Variants in TRIM39 observed in about 807,000 individuals in gnomAD.
The protein encoded by TRIM39 is E3 ubiquitin-protein ligase TRIM39.
In TRIM39, 5 loss-of-function variants were observed where a neutral mutation model predicts 53.6. The ratio of observed to expected loss-of-function variants is 0.09; its 90% CI spans 0.05 to 0.20. The LOEUF (loss-of-function observed/expected upper bound fraction) is 0.20. TRIM39 is among the 10% of genes least tolerant of loss of function. The pLI, the probability that TRIM39 is intolerant of heterozygous loss-of-function variation, is 1.00. For missense variants in TRIM39, 310 were observed against 621.0 expected (o/e 0.50, Z 5.32); for synonymous variants, 196 against 237.6 (o/e 0.82, Z 1.61).
At chr6:30,340,174 C>A in intron 6 of TRIM39, 1 of 1,165,322 alleles carries the variant, frequency 8.6e-7, no homozygotes, top group Non-Finnish European at 1.3e-6. Context: ...GAATCAGATT[C>A]TACTTGTGCC....
chr6:30,328,271 T>C (rs1440002256), intron 1 of TRIM39, among the ~76,000 whole-genome samples: 1 of 152,230 alleles, frequency 6.6e-6, no homozygotes, highest in African/African-American at 2.4e-5. Flanking sequence ...ACAAATAGAC[T>C]CGTTGCTCTC....
At chr6:30,327,577 GAC>G (rs1384881756) in intron 1 of TRIM39, 3 of 152,306 alleles carry the variant, frequency 2.0e-5, no homozygotes, top group African/African-American at 7.2e-5. Context: ...GTCTCACTAT[GAC>G]TGTAGTTGAG....
At chr6:30,336,526 C>T (rs994892515) in intron 5 of TRIM39, among the ~76,000 whole-genome samples, 1 of 152,200 alleles carries the variant, frequency 6.6e-6, no homozygotes, top group African/African-American at 2.4e-5. Flanking sequence ...GTGGTGGTTG[C>T]TGAAGATTGG....
rs1786758190 is a variant in TRIM39 at position 30,335,617 on chromosome 6, C to T, written c.550-128C>T. The T allele has an allele frequency of 2.3e-6, 3 of 1,281,548 alleles. No individual in the cohort carries two copies. Among genetic ancestry groups the T allele is most frequent in the Non-Finnish European group, 3.2e-6 (3 of 949,026 alleles). 79.4% of individuals were successfully genotyped at this position (1,281,548 alleles called of 1,614,324 possible). A position where few individuals can be genotyped will look rare whatever the true frequency, so the allele number is the denominator to read the frequency against. On this transcript the variant is annotated intron_variant, in intron 4 of 7. Coordinates refer to ENST00000396551, the Ensembl canonical transcript of TRIM39. The surrounding 1 kb of genome is among the most constrained non-coding windows in gnomAD (Gnocchi z 4.7). ...GGATTACAGTCATGTGTCACCACAC[C>T]CAGCCTTTGTTAAACCATTTTCAAT...
At chr6:30,336,094 T>C (rs749286923) in intron 5 of TRIM39, 119 bp downstream of exon 5, 1 of 1,445,818 alleles carries the variant, frequency 6.9e-7, no homozygotes, top group Non-Finnish European at 9.5e-7. Context: ...TCCAGTTCTT[T>C]CTGCCAGGTG....
rs1787642128 is a variant in TRIM39 at position 30,342,343 on chromosome 6, T to C, written c.*84T>C. 2 of 1,441,388 alleles carry C rather than the reference T, an allele frequency of 1.4e-6. 1 individual carries two copies. Among genetic ancestry groups the C allele is most frequent in the Non-Finnish European group, 1.9e-6 (2 of 1,044,212 alleles). The allele number at this position is 1,441,388 out of a possible 1,614,324, so 89.3% of individuals were successfully genotyped here. A position where few individuals can be genotyped will look rare whatever the true frequency, so the allele number is the denominator to read the frequency against. ...CCCGTGTCCTGCTGGAACGTCTTCG[T>C]GTCCACCTGGGTCCAGTCCTGAATC... On this transcript the variant is annotated 3_prime_UTR_variant, in exon 8 of 8. Coordinates refer to ENST00000396551, the Ensembl canonical transcript of TRIM39. This position sits in a 1 kb window ranked among gnomAD's most constrained non-coding sequence, Gnocchi z 4.7.
chr6:30,341,310 A>G (rs1475537208), intron 7 of TRIM39: 3 of 486,288 alleles, frequency 6.2e-6, no homozygotes, highest in African/African-American at 2.0e-5. Context: ...GAAAACACAC[A>G]TGGTCACCCT....
At chr6:30,329,649 A>G (rs1470688649) in exon 3 of TRIM39, 5 of 1,612,946 alleles carry the variant, frequency 3.1e-6, no homozygotes, top group Non-Finnish European at 4.2e-6. Context: ...CCCCAACACC[A>G]TGAGGCCCTC....
chr6:30,341,593 A>C, intron 7 of TRIM39, 119 bp from the exon 8 acceptor site: 1 of 1,429,072 alleles, frequency 7.0e-7, no homozygotes, highest in Non-Finnish European at 9.4e-7. Flanking sequence ...TAACCAAACC[A>C]GGTTGTTCTG....
At chr6:30,330,057 A>G (rs1158410480) in intron 3 of TRIM39, among the ~76,000 whole-genome samples, 1 of 152,268 alleles carries the variant, frequency 6.6e-6, no homozygotes. Flanking sequence ...AACCACATGG[A>G]AAAGATTAAA....
At chr6:30,341,309 C>T in intron 7 of TRIM39, 1 of 482,116 alleles carries the variant, frequency 2.1e-6, no homozygotes, top group Non-Finnish European at 4.2e-6. Flanking sequence ...GGAAAACACA[C>T]ATGGTCACCC....
At chr6:30,329,327 A>G in exon 3 of TRIM39, 1 of 1,610,828 alleles carries the variant, frequency 6.2e-7, no homozygotes, top group Non-Finnish European at 8.5e-7. Context: ...TATGGCAGAG[A>G]CAAGTCTGTT....
At position 30,339,808 on chromosome 6, in the gene TRIM39, A is replaced by G. The variant is rs1787280841; in HGVS notation, c.781-100A>G. 1.3e-6 allele frequency: 2 copies of G among 1,522,960 alleles called. No homozygotes were observed. The highest frequency in any genetic ancestry group is 1.8e-5 in the Admixed American group (1 of 55,658). 94.3% of individuals were successfully genotyped at this position (1,522,960 alleles called of 1,614,324 possible). On this transcript the variant is annotated intron_variant, in intron 5 of 7. Coordinates refer to ENST00000396551, the Ensembl canonical transcript of TRIM39. The surrounding 1 kb of genome is among the most constrained non-coding windows in gnomAD (Gnocchi z 4.2). The stretch of plus-strand genomic sequence containing the variant: ...GTGACCCTCAGTTTATCCTATCCCT[A>G]TTTTATAGCTGTGGAACTTTGGGGA...
rs1476797603 is a variant in TRIM39 at position 30,335,081 on chromosome 6, C to T, written c.550-664C>T. Among the ~76,000 whole-genome samples, 1 of 152,136 alleles carries T rather than the reference C, an allele frequency of 6.6e-6. No homozygotes were observed. The highest frequency in any genetic ancestry group is 1.5e-5 in the Non-Finnish European group (1 of 68,028). On this transcript the variant is annotated intron_variant, in intron 4 of 7. Coordinates refer to ENST00000396551, the Ensembl canonical transcript of TRIM39. The surrounding 1 kb of genome is among the most constrained non-coding windows in gnomAD (Gnocchi z 4.7). ...TAGAACTTTACAGTTGATAATAACA[C>T]AGATATCTCTGATATCTGTAATAGT...
At position 30,335,608 on chromosome 6, in the gene TRIM39, T is replaced by A; in HGVS notation, c.550-137T>A. On this transcript the variant is annotated intron_variant, in intron 4 of 7. Transcript: ENST00000396551. The surrounding 1 kb of genome is among the most constrained non-coding windows in gnomAD (Gnocchi z 4.7). Reference sequence around the variant, plus strand: ...AAAGTCCTGGGATTACAGTCATGTGTCACCACACCCAGCCTTTGTTAAACC... The same window carrying A: ...AAAGTCCTGGGATTACAGTCATGTGACACCACACCCAGCCTTTGTTAAACC... 1 of 1,203,150 alleles carries A rather than the reference T, an allele frequency of 8.3e-7. No homozygotes were observed. The highest frequency in any genetic ancestry group is 1.1e-6 in the Non-Finnish European group (1 of 880,564). 74.5% of individuals were successfully genotyped at this position (1,203,150 alleles called of 1,614,324 possible).
rs979261852 is a variant in TRIM39 at position 30,342,306 on chromosome 6, A to G, written c.*47A>G. 9.5e-6 allele frequency: 15 copies of G among 1,584,842 alleles called. No homozygotes were observed. The highest frequency in any genetic ancestry group is 1.3e-5 in the African/African-American group (1 of 74,468). ...CTGGGGTGAGGCAGGGTCAAGTGCT[A>G]CGGGCCTCCTTCCCGTGTCCTGCTG... On this transcript the variant is annotated 3_prime_UTR_variant, in exon 8 of 8. Transcript: ENST00000396551. This position sits in a 1 kb window ranked among gnomAD's most constrained non-coding sequence, Gnocchi z 4.7.
exon 1 of TRIM39, chr6:30,326,965 GC>G (rs965889991): frequency 6.6e-6 from 1 of 152,084 alleles, no homozygotes; most frequent in Non-Finnish European, 1.5e-5. Context: ...GCGGCTCCGC[GC>G]CCCGCACTCC....
chr6:30,333,821 C>T (rs1343209077), intron 4 of TRIM39, among the ~76,000 whole-genome samples: 3 of 152,102 alleles, frequency 2.0e-5, no homozygotes, highest in African/African-American at 4.8e-5. Flanking sequence ...CCAAAATATC[C>T]TCAGAGTGTG....
exon 3 of TRIM39, chr6:30,329,581 G>A (rs1487096691): frequency 6.2e-7 from 1 of 1,612,976 alleles, no homozygotes; most frequent in Non-Finnish European, 8.5e-7. Context: ...GCAGTATGGT[G>A]GAAATTGCCA....
Sources: gnomAD v4.1 joint callset for allele counts (sites outside exome capture counted in the v4.1 genomes callset) on GRCh38, gnomAD v4.1.1 for gene constraint, Gnocchi (gnomAD v3.1) non-coding constraint, MANE v1.5 for transcripts, NCBI Gene and HGNC (gene_info 2026-07-23, HGNC 2026-07-21) for gene names.